Variants in NACC2 observed in about 807,000 individuals in gnomAD.
The protein encoded by NACC2 is NACC family member 2.
In NACC2, 8 loss-of-function variants were observed where a neutral mutation model predicts 25.1. That is an observed-to-expected ratio of 0.32 (90% CI 0.19 to 0.57). The LOEUF is 0.57. Among genes scored for constraint, NACC2 ranks in the 20% least tolerant of loss-of-function variants. The pLI, the probability that NACC2 is intolerant of heterozygous loss-of-function variation, is 0.89. For synonymous variants in NACC2, 435 were observed against 294.7 expected, an observed-to-expected ratio of 1.48 and a Z score of -4.88; for missense variants, 644 against 650.2, an observed-to-expected ratio of 0.99 and a Z score of 0.10.
At chr9:136,066,976 C>G (rs958870019) in intron 1 of NACC2, among the ~76,000 whole-genome samples, 1 of 151,494 alleles carries the variant, frequency 6.6e-6, no homozygotes, top group African/African-American at 2.4e-5. Flanking sequence ...TTTAGCTGGA[C>G]GCAGTGGCTC....
intron 1 of NACC2, among the ~76,000 whole-genome samples, 167 bp downstream of exon 1, chr9:136,095,022 C>G (rs1379728727): frequency 6.9e-6 from 1 of 145,710 alleles, no homozygotes; most frequent in Admixed American, 6.8e-5. Context: ...ACGCCCGGGC[C>G]GGCGCGGAAC....
chr9:136,041,425 A>G lies in NACC2; in HGVS notation c.886+8211T>C, dbSNP rs1017197496. The stretch of plus-strand genomic sequence containing the variant: ...AGAGTGAGACATGATCTGAGAAAAA[A>G]AAAAAAAGAAATAAAGAAAAAAATG... On this transcript the variant is annotated intron_variant, in intron 2 of 5. Coordinates refer to ENST00000277554, the MANE Select transcript of NACC2 (RefSeq NM_144653.5). 2.9e-3 allele frequency among the ~76,000 whole-genome samples: 440 copies of G among 152,210 alleles called. 1 individual carries two copies. Among genetic ancestry groups the G allele is most frequent in the Admixed American group, 5.3e-3 (81 of 15,292 alleles).
Position 136,011,677 on chromosome 9 carries a change from C to A in NACC2, c.1603G>T (p.Ala535Ser), listed in dbSNP as rs78238245. 2.5e-3 allele frequency: 3,639 copies of A among 1,447,778 alleles called. 70 individuals carry two copies. In the African/African-American group the frequency reaches 0.048, roughly 19 times the overall value. The allele number at this position is 1,447,778 out of a possible 1,614,324, so 89.7% of individuals were successfully genotyped here. ...GCCACCTCCTGGATGACCGAGCCAG[C>A]CCCGTCCACCTCCTCGCCGGCGTCG... The part of the protein sequence containing the change: ...AFDAGEEVDG[A>S]GSVIQEVAAP... The change falls in exon 6 of 6, where the codon GCT (alanine) becomes TCT (serine). Residue 535 changes from alanine to serine, a missense_variant. Transcript: ENST00000277554.
intron 1 of NACC2, among the ~76,000 whole-genome samples, chr9:136,058,061 T>C (rs1017584140): frequency 1.2e-4 from 18 of 151,890 alleles, no homozygotes; most frequent in African/African-American, 4.3e-4. Context: ...AAAACTCTCA[T>C]GTAAATCAGA....
chr9:136,043,174 T>C (rs1229728485), intron 2 of NACC2, among the ~76,000 whole-genome samples: 1 of 152,210 alleles, frequency 6.6e-6, no homozygotes. Flanking sequence ...AGAGTCACCA[T>C]TACAATAATG....
chr9:136,056,687 C>G (rs557277780), intron 1 of NACC2, among the ~76,000 whole-genome samples: 62 of 152,332 alleles, frequency 4.1e-4, no homozygotes, highest in African/African-American at 1.4e-3. Flanking sequence ...CCCCCTCGGA[C>G]TATCACTGTC....
At chr9:136,036,270 T>A (rs1353158230) in intron 2 of NACC2, among the ~76,000 whole-genome samples, 5 of 152,244 alleles carry the variant, frequency 3.3e-5, no homozygotes, top group African/African-American at 1.2e-4. Flanking sequence ...ATTGAAATTC[T>A]ACCTAATACC....
chr9:136,049,886 GCCCGCCGCCACCGC>G lies in NACC2; in HGVS notation c.622_635del (p.Ala208HisfsTer89). On this transcript the variant is annotated frameshift_variant, in exon 2 of 6. Transcript: ENST00000277554. LOFTEE classifies it high-confidence loss of function. ...CACGGGGCAGTTTGAGAGGGGCTGT[GCCCGCCGCCACCGC>G]AGCCCCCGCGGCCACCGCCACGCCG... 1.7e-6 allele frequency: 1 copy of G among 598,412 alleles called. No individual in the cohort carries two copies. The highest frequency in any genetic ancestry group is 3.0e-6 in the Non-Finnish European group (1 of 330,294). The allele number at this position is 598,412 out of a possible 1,614,324, so 37.1% of individuals were successfully genotyped here.
At position 136,011,758 on chromosome 9, in the gene NACC2, C is replaced by A. The variant is rs1287041243; in HGVS notation, c.1522G>T (p.Ala508Ser). 1 of 1,543,532 alleles carries A rather than the reference C, an allele frequency of 6.5e-7. No homozygotes were observed. The highest frequency in any genetic ancestry group is 1.2e-5 in the South Asian group (1 of 82,878). Residue 508 changes from alanine to serine, a missense_variant, in exon 6 of 6, where the codon GCT becomes TCT. Physicochemically the swap from Ala to Ser is moderately conservative, Grantham distance 99. Transcript: ENST00000277554. Reference sequence around the variant, plus strand: ...ACATTCACGGCGTCAGTTCTCAGAGCCACGATGGTGGCGGCGTCGCCCCGC... The same window carrying A: ...ACATTCACGGCGTCAGTTCTCAGAGACACGATGGTGGCGGCGTCGCCCCGC... ...ERRGDAATIV[A>S]LRTDAVNVDL...
rs1237532161 is a variant in NACC2 at position 136,045,360 on chromosome 9, G to A, written c.886+4276C>T. ...CCTGCCAGGAAAGGGTTACCGTCAC[G>A]GGCCCACGGGCCCTGTGGCCAGAGC... On this transcript the variant is annotated intron_variant, in intron 2 of 5. Coordinates refer to ENST00000277554, the MANE Select transcript of NACC2 (RefSeq NM_144653.5). Among the ~76,000 whole-genome samples the A allele has an allele frequency of 2.4e-5, 3 of 127,210 alleles. No homozygotes were observed. The Admixed American group carries it at 2.5e-4, about 11-fold the overall frequency. 83.5% of individuals were successfully genotyped at this position (127,210 alleles called of 152,430 possible).
intron 1 of NACC2, among the ~76,000 whole-genome samples, chr9:136,060,492 C>T (rs1395176359): frequency 6.6e-6 from 1 of 152,240 alleles, no homozygotes; most frequent in African/African-American, 2.4e-5. Flanking sequence ...CAGGGCCAGG[C>T]CCAGGCCCCA....
At chr9:136,048,988 G>A (rs1037233207) in intron 2 of NACC2, among the ~76,000 whole-genome samples, 7 of 152,216 alleles carry the variant, frequency 4.6e-5, no homozygotes, top group Non-Finnish European at 8.8e-5. Flanking sequence ...AGGTTGCAGG[G>A]ACACCCGATC....
At chr9:136,062,172 C>A (rs66778034) in intron 1 of NACC2, among the ~76,000 whole-genome samples, 8,416 of 96,964 alleles carry the variant, frequency 0.087, 323 homozygotes, top group Non-Finnish European at 0.13. Flanking sequence ...CAGGACAGGA[C>A]AGGAAAGGAA....
intron 1 of NACC2, among the ~76,000 whole-genome samples, chr9:136,053,756 CGG>C (rs1356756376): frequency 5.9e-5 from 9 of 152,070 alleles, no homozygotes; most frequent in African/African-American, 2.2e-4. Flanking sequence ...GCCCCAAGGA[CGG>C]GGGGGTAGGG....
intron 1 of NACC2, among the ~76,000 whole-genome samples, chr9:136,088,233 G>A (rs1243264395): frequency 2.0e-5 from 3 of 152,168 alleles, no homozygotes; most frequent in African/African-American, 4.8e-5. Flanking sequence ...GGAGCCTCTG[G>A]GGAGAATCTT....
chr9:136,050,151 C>T lies in NACC2; in HGVS notation c.371G>A (p.Ser124Asn). The T allele has an allele frequency of 1.3e-6, 1 of 767,952 alleles. No homozygotes were observed. Among genetic ancestry groups the T allele is most frequent in the Non-Finnish European group, 2.4e-6 (1 of 414,478 alleles). The allele number at this position is 767,952 out of a possible 1,614,324, so 47.6% of individuals were successfully genotyped here. A position where few individuals can be genotyped will look rare whatever the true frequency, so the allele number is the denominator to read the frequency against. The change falls in exon 2 of 6, where the codon AGC (serine) becomes AAC (asparagine). Residue 124 changes from serine (S) to asparagine (N), a missense_variant. Physicochemically the swap from Ser to Asn is conservative, Grantham distance 46. Coordinates refer to ENST00000277554, the MANE Select transcript of NACC2 (RefSeq NM_144653.5). ...ERGTDLMFKV[S>N]SPHCDSQTAV... ...GGTCTGCGAGTCGCAGTGGGGCGAG[C>T]TCACCTTGAACATGAGGTCGGTGCC...
chr9:136,042,719 CACACAG>C (rs1187428053), intron 2 of NACC2, among the ~76,000 whole-genome samples: 19 of 151,242 alleles, frequency 1.3e-4, no homozygotes, highest in Middle Eastern at 3.4e-3. Flanking sequence ...CAGAGACACA[CACACAG>C]ACACAGACAC....
chr9:136,013,099 AGGTGG>A lies in NACC2; in HGVS notation c.1255+95_1255+99del, dbSNP rs1840137677. On this transcript the variant is annotated intron_variant, in intron 5 of 5. Coordinates refer to ENST00000277554, the MANE Select transcript of NACC2 (RefSeq NM_144653.5). The surrounding 1 kb of genome is among the most constrained non-coding windows in gnomAD (Gnocchi z 6.6). ...CTCGGCCCCCAGGGACGGAAGCTGC[AGGTGG>A]CCGGGAGCACCCCCGCGGCCCACCC... 1.1e-6 allele frequency: 1 copy of A among 937,628 alleles called. No homozygotes were observed. Among genetic ancestry groups the A allele is most frequent in the East Asian group, 2.5e-5 (1 of 39,710 alleles). 58.1% of individuals were successfully genotyped at this position (937,628 alleles called of 1,614,324 possible). A position where few individuals can be genotyped will look rare whatever the true frequency, so the allele number is the denominator to read the frequency against.
Position 136,011,656 on chromosome 9 carries a change from C to T in NACC2, c.1624G>A (p.Val542Met). The T allele has an allele frequency of 2.1e-6, 3 of 1,415,134 alleles. No homozygotes were observed. Among genetic ancestry groups the T allele is most frequent in the Non-Finnish European group, 2.8e-6 (3 of 1,089,042 alleles). 87.7% of individuals were successfully genotyped at this position (1,415,134 alleles called of 1,614,324 possible). Residue 542 changes from valine to methionine, a missense_variant, in exon 6 of 6, where the codon GTG becomes ATG. By Grantham distance (21) the Val-to-Met change is conservative. Transcript: ENST00000277554. ...GCGGGCAGCGGCTCGGGGGCGGCCA[C>T]CTCCTGGATGACCGAGCCAGCCCCG... ...VDGAGSVIQE[V>M]AAPEPLPADG... is the part of the protein sequence containing the mutation.
Sources: gnomAD v4.1 joint callset for allele counts (sites outside exome capture counted in the v4.1 genomes callset) on GRCh38, gnomAD v4.1.1 for gene constraint, Gnocchi (gnomAD v3.1) non-coding constraint, MANE v1.5 for transcripts, NCBI Gene and HGNC (gene_info 2026-07-23, HGNC 2026-07-21) for gene names.